SNTG1: variants seen among roughly 807,000 people sequenced by gnomAD.
SNTG1 encodes the protein gamma-1-syntrophin.
A neutral mutation model predicts 74.7 loss-of-function variants in SNTG1; 39 were observed. The ratio of observed to expected loss-of-function variants is 0.52; its 90% CI spans 0.40 to 0.68. SNTG1 has a LOEUF of 0.68. Ranked by LOEUF, SNTG1 falls within the 30% of genes least tolerant of loss-of-function variation. The pLI is 0.00. For missense variants in SNTG1, 685 were observed against 609.5 expected (o/e 1.12, Z -1.30); for synonymous variants, 254 against 217.1 (o/e 1.17, Z -1.49).
At chr8:50,653,805 T>A (rs1411448547) in intron 13 of SNTG1, among the ~76,000 whole-genome samples, 6 of 152,184 alleles carry the variant, frequency 3.9e-5, no homozygotes, top group African/African-American at 1.4e-4. Context: ...TCAAAACTAT[T>A]TTCATAATAA....
chr8:50,519,407 C>T (rs1563515411), intron 9 of SNTG1, among the ~76,000 whole-genome samples: 1 of 152,008 alleles, frequency 6.6e-6, no homozygotes, highest in Non-Finnish European at 1.5e-5. Flanking sequence ...ACAAGGATGC[C>T]CTCTCTCACC....
At chr8:50,387,696 A>T (rs2092596668) in intron 2 of SNTG1, among the ~76,000 whole-genome samples, 1 of 152,192 alleles carries the variant, frequency 6.6e-6, no homozygotes, top group South Asian at 2.1e-4. Flanking sequence ...GTCTGTCTGT[A>T]TAAATTGAAA....
At chr8:50,010,418 G>A (rs2130558852) in intron 1 of SNTG1, among the ~76,000 whole-genome samples, 1 of 152,132 alleles carries the variant, frequency 6.6e-6, no homozygotes, top group East Asian at 1.9e-4. Flanking sequence ...ACAATGAGAT[G>A]CAATTAATTC....
intron 8 of SNTG1, among the ~76,000 whole-genome samples, chr8:50,484,116 CTTT>C: frequency 9.1e-6 from 1 of 109,666 alleles, no homozygotes; most frequent in South Asian, 4.2e-4. Context: ...TTCTTTCTTT[CTTT>C]CTTTCTTTCT....
At chr8:50,787,998 A>C (rs1454482845) in intron 18 of SNTG1, among the ~76,000 whole-genome samples, 1 of 152,078 alleles carries the variant, frequency 6.6e-6, no homozygotes, top group Non-Finnish European at 1.5e-5. Flanking sequence ...TATGTGAACT[A>C]TATCTCCCTA....
chr8:50,278,876 A>G (rs2088273275), intron 2 of SNTG1, among the ~76,000 whole-genome samples: 1 of 152,122 alleles, frequency 6.6e-6, no homozygotes, highest in African/African-American at 2.4e-5. Context: ...GTTTACAGTT[A>G]TTAGACTGGC....
At chr8:50,569,511 CA>C (rs77352501) in intron 12 of SNTG1, among the ~76,000 whole-genome samples, 55 of 131,244 alleles carry the variant, frequency 4.2e-4, no homozygotes, top group African/African-American at 1.1e-3. Context: ...TTTTGAAAAG[CA>C]AAAAAAAAAT....
intron 2 of SNTG1, among the ~76,000 whole-genome samples, chr8:50,213,723 T>A (rs879293391): frequency 1.3e-5 from 2 of 152,094 alleles, no homozygotes; most frequent in Admixed American, 6.5e-5. Context: ...TGCATAAATG[T>A]CTTCTTTTGA....
intron 1 of SNTG1, among the ~76,000 whole-genome samples, chr8:50,055,610 A>G (rs1203495672): frequency 6.6e-6 from 1 of 152,102 alleles, no homozygotes; most frequent in Non-Finnish European, 1.5e-5. Context: ...GCATTAGAAC[A>G]CATGAGGACT....
intron 1 of SNTG1, among the ~76,000 whole-genome samples, chr8:50,091,944 A>G (rs921993011): frequency 1.3e-5 from 2 of 152,166 alleles, no homozygotes; most frequent in African/African-American, 4.8e-5. Flanking sequence ...TAGCAATGAC[A>G]AAATATAAAA....
At chr8:50,215,180 A>T (rs10095550) in intron 2 of SNTG1, among the ~76,000 whole-genome samples, 65,376 of 151,824 alleles carry the variant, frequency 0.43, 17,825 homozygotes, top group African/African-American at 0.78. Context: ...ATCGAGTGGA[A>T]GTCACAAGAC....
intron 4 of SNTG1, among the ~76,000 whole-genome samples, chr8:50,436,546 T>C (rs1055162919): frequency 1.3e-5 from 2 of 152,146 alleles, no homozygotes; most frequent in Admixed American, 1.3e-4. Context: ...TTTTAATTGC[T>C]ATGTATTATT....
chr8:50,771,233 G>C (rs2095626408), intron 18 of SNTG1, among the ~76,000 whole-genome samples: 1 of 152,006 alleles, frequency 6.6e-6, no homozygotes, highest in African/African-American at 2.4e-5. Flanking sequence ...AAAAAGATGA[G>C]GGAAAGTTTG....
At chr8:49,937,786 A>T (rs1424730100) in intron 1 of SNTG1, among the ~76,000 whole-genome samples, 1 of 152,228 alleles carries the variant, frequency 6.6e-6, no homozygotes, top group East Asian at 1.9e-4. Flanking sequence ...CTGTGATTTT[A>T]CATTTCCTTT....
intron 16 of SNTG1, among the ~76,000 whole-genome samples, chr8:50,705,033 G>GA (rs1291032967): frequency 4.6e-5 from 7 of 151,960 alleles, no homozygotes; most frequent in African/African-American, 1.2e-4. Flanking sequence ...ATCTAATATA[G>GA]AAAATACTCT....
chr8:50,736,849 G>T (rs2095530125), intron 17 of SNTG1, among the ~76,000 whole-genome samples: 1 of 151,554 alleles, frequency 6.6e-6, no homozygotes, highest in Non-Finnish European at 1.5e-5. Context: ...AAATAAATAA[G>T]TTATTTGAAT....
intron 17 of SNTG1, among the ~76,000 whole-genome samples, chr8:50,741,831 G>A (rs2095544125): frequency 6.6e-6 from 1 of 152,028 alleles, no homozygotes; most frequent in Admixed American, 6.6e-5. Flanking sequence ...TGTGAAGATG[G>A]TAAAAGACCA....
At chr8:50,438,887 A>G (rs2093331871) in intron 5 of SNTG1, among the ~76,000 whole-genome samples, 2 of 152,148 alleles carry the variant, frequency 1.3e-5, no homozygotes, top group South Asian at 2.1e-4. Flanking sequence ...TGTCGTGTGC[A>G]TATCTTTCTT....
chr8:50,621,111 A>G (rs1467485943), intron 13 of SNTG1, among the ~76,000 whole-genome samples: 1 of 148,074 alleles, frequency 6.8e-6, no homozygotes, highest in African/African-American at 2.5e-5. Context: ...ATTCTATACC[A>G]TTTTCTTTTG....
Sources: allele counts gnomAD v4.1 joint callset (sites outside exome capture counted in the v4.1 genomes callset), GRCh38; gene constraint gnomAD v4.1.1; transcripts MANE v1.5; gene names NCBI Gene and HGNC (gene_info 2026-07-23, HGNC 2026-07-21).